Variants in MROH1 observed in about 807,000 individuals in gnomAD.
The protein encoded by MROH1 is maestro heat-like repeat-containing protein family member 1.
MROH1 carries 117 observed loss-of-function variants against 116.5 expected under a neutral mutation model. The observed-to-expected ratio is 1.00, with a 90% confidence interval of 0.86 to 1.17. The LOEUF (loss-of-function observed/expected upper bound fraction) is 1.17, where lower values mean the gene tolerates loss of function less well. Among genes scored for constraint, MROH1 ranks in the 50% most tolerant of loss-of-function variants. The pLI, the probability that MROH1 is intolerant of heterozygous loss-of-function variation, is 0.00. For synonymous variants in MROH1, 921 were observed against 583.9 expected, an observed-to-expected ratio of 1.58 and a Z score of -8.32; for missense variants, 1,873 against 1,338.5, an observed-to-expected ratio of 1.40 and a Z score of -6.23.
chr8:144,210,965 C>T (rs1833973083), intron 12 of MROH1, among the ~76,000 whole-genome samples: 1 of 152,168 alleles, frequency 6.6e-6, no homozygotes, highest in African/African-American at 2.4e-5. Context: ...AAAACTGAAA[C>T]TCCGTGCCTG....
chr8:144,192,868 GT>G (rs1828988714), intron 10 of MROH1: 1 of 332,624 alleles, frequency 3.0e-6, no homozygotes, highest in African/African-American at 2.2e-5. Flanking sequence ...CCCAGGTCGG[GT>G]GAATGAGGCT....
In MROH1 at chr8:144,260,826, G is replaced by A. The variant is rs1285921758; in HGVS notation, c.4530G>A (p.Val1510=). ...LLHLQDPQAT[V]ASACRFALRM... is the part of the protein sequence containing the mutation. ...ACCTGCAGGACCCTCAGGCCACCGT[G>A]GCCAGCGTGAGTAGCCAGGGGGTGA... The change falls in exon 40 of 44, where the codon GTG becomes GTA. Residue 1510 remains valine (V), a synonymous_variant. Coordinates refer to ENST00000326134, the MANE Select transcript of MROH1 (RefSeq NM_032450.3). 2.4e-5 allele frequency: 19 copies of A among 777,752 alleles called. No homozygotes were observed. The highest frequency in any genetic ancestry group is 5.1e-5 in the Admixed American group (3 of 59,038). 48.2% of individuals were successfully genotyped at this position (777,752 alleles called of 1,614,324 possible).
chr8:144,247,446 C>T lies in MROH1; in HGVS notation c.3007+10C>T, dbSNP rs1237483637. The T allele has an allele frequency of 3.5e-5, 27 of 769,472 alleles. No individual in the cohort carries two copies. The highest frequency in any genetic ancestry group is 1.0e-4 in the African/African-American group (6 of 58,906). The allele number at this position is 769,472 out of a possible 1,614,324, so 47.7% of individuals were successfully genotyped here. A position where few individuals can be genotyped will look rare whatever the true frequency, so the allele number is the denominator to read the frequency against. On this transcript the variant is annotated intron_variant, in intron 30 of 43. Transcript: ENST00000326134. ...CAGCTCGGCTATGAGGGTGAGCCCT[C>T]GTCAGGAGTGTGGGGGCCAGTGGTC... is the stretch of plus-strand genomic sequence containing the variant.
intron 10 of MROH1, among the ~76,000 whole-genome samples, chr8:144,195,218 A>AAAAAAAAAAAAAAAAAAAAAAAAAAAC: frequency 7.0e-6 from 1 of 141,976 alleles, no homozygotes; most frequent in South Asian, 2.4e-4. Context: ...AAAAAAAAAA[A>AAAAAAAAAAAAAAAAAAAAAAAAAAAC]AGGCCGAGTG....
At position 144,255,553 on chromosome 8, in the gene MROH1, G is replaced by A; in HGVS notation, c.3639G>A (p.Gly1213=). 4 of 779,312 alleles carry A rather than the reference G, an allele frequency of 5.1e-6. No homozygotes were observed. Among genetic ancestry groups the A allele is most frequent in the Admixed American group, 1.7e-5 (1 of 59,030 alleles). 48.3% of individuals were successfully genotyped at this position (779,312 alleles called of 1,614,324 possible). The change falls in exon 35 of 44, where the codon GGG becomes GGA. Residue 1213 remains glycine (G), a synonymous_variant. Transcript: ENST00000326134. The stretch of plus-strand genomic sequence containing the variant: ...AGGTCATGTCCACGCCTGCAGCGGG[G>A]CCCGCGGTGCTCGAGCTCTACCCCC... ...LFEVMSTPAA[G]PAVLELYPQL...
intron 4 of MROH1, among the ~76,000 whole-genome samples, chr8:144,178,650 C>A (rs1390110351): frequency 6.6e-6 from 1 of 152,344 alleles, no homozygotes; most frequent in East Asian, 1.9e-4. Flanking sequence ...CTGTGCCGGC[C>A]ATGTTGCCTG....
At chr8:144,256,572 G>A (rs947611620) in intron 35 of MROH1, among the ~76,000 whole-genome samples, 2 of 152,224 alleles carry the variant, frequency 1.3e-5, no homozygotes, top group African/African-American at 4.8e-5. Flanking sequence ...TGAATGGGAT[G>A]GGGCAGCCAC....
intron 10 of MROH1, among the ~76,000 whole-genome samples, chr8:144,195,163 C>G (rs536020276): frequency 1.6e-5 from 2 of 122,652 alleles, no homozygotes; most frequent in South Asian, 2.8e-4. Flanking sequence ...CCAGTGCATT[C>G]CAGCCTGGGT....
chr8:144,192,538 G>T lies in MROH1; in HGVS notation c.948+137G>T. Reference sequence around the variant, plus strand: ...GCTGAGGACTGGGCATTCCCTGAAGGTCACTCGGGTGACTTCTTAGCGATG... The same window carrying T: ...GCTGAGGACTGGGCATTCCCTGAAGTTCACTCGGGTGACTTCTTAGCGATG... On this transcript the variant is annotated intron_variant, in intron 10 of 43. Transcript: ENST00000326134. 3 of 755,738 alleles carry T rather than the reference G, an allele frequency of 4.0e-6. No homozygotes were observed. The South Asian group carries it at 4.4e-5, about 11-fold the overall frequency. 46.8% of individuals were successfully genotyped at this position (755,738 alleles called of 1,614,324 possible).
At chr8:144,148,509 C>T (rs1462799899) in intron 1 of MROH1, 11 of 152,392 alleles carry the variant, frequency 7.2e-5, no homozygotes, top group African/African-American at 2.4e-4. Flanking sequence ...CCAGGCGGGG[C>T]CACCGGGGGT....
intron 35 of MROH1, 140 bp from the exon 36 acceptor site, chr8:144,258,637 G>A: frequency 1.5e-6 from 1 of 667,768 alleles, no homozygotes; most frequent in East Asian, 2.7e-5. Context: ...CCCAGAGCCT[G>A]CTTCCTGGAG....
chr8:144,225,369 G>A (rs1385805180), intron 14 of MROH1, among the ~76,000 whole-genome samples: 1 of 152,112 alleles, frequency 6.6e-6, no homozygotes, highest in East Asian at 1.9e-4. Context: ...GAGACAGCCT[G>A]TGTTACCCAG....
In MROH1 at chr8:144,260,032, A is replaced by G. The variant is rs1844707348; in HGVS notation, c.4166A>G (p.Asn1389Ser). The change falls in exon 38 of 44, where the codon AAC becomes AGC. Residue 1389 changes from asparagine to serine, a missense_variant. Transcript: ENST00000326134. ...VRRLVLRGLA[N>S]LASGCPDKVR... ...AGGCTGGTGCTCCGCGGCCTGGCCA[A>G]CCTGGCCTCCGGCTGCCCTGACAAG... The G allele has an allele frequency of 2.8e-6, 2 of 725,174 alleles. No individual in the cohort carries two copies. The highest frequency in any genetic ancestry group is 1.9e-5 in the Admixed American group (1 of 52,336). The allele number at this position is 725,174 out of a possible 1,614,324, so 44.9% of individuals were successfully genotyped here.
At chr8:144,226,793 C>T (rs969997277) in intron 14 of MROH1, among the ~76,000 whole-genome samples, 4 of 152,194 alleles carry the variant, frequency 2.6e-5, no homozygotes, top group South Asian at 2.1e-4. Context: ...GTGAGTCTTC[C>T]ATCTTTGGTC....
chr8:144,180,837 T>C lies in MROH1; in HGVS notation c.562+314T>C, dbSNP rs1454301842. Among the ~76,000 whole-genome samples, 1 of 152,076 alleles carries C rather than the reference T, an allele frequency of 6.6e-6. No individual in the cohort carries two copies. Among genetic ancestry groups the C allele is most frequent in the African/African-American group, 2.4e-5 (1 of 41,412 alleles). ...CATGACTTTTTGTTTTCCTCCCCAC[T>C]CCAGGCTAGAAAAGTGTCCGCTCTC... is the stretch of plus-strand genomic sequence containing the variant. On this transcript the variant is annotated intron_variant, in intron 7 of 43. Coordinates refer to ENST00000326134, the MANE Select transcript of MROH1 (RefSeq NM_032450.3). The surrounding 1 kb of genome is among the most constrained non-coding windows in gnomAD (Gnocchi z 7.4).
intron 12 of MROH1, among the ~76,000 whole-genome samples, chr8:144,204,681 C>G (rs1832446691): frequency 6.6e-6 from 1 of 152,178 alleles, no homozygotes; most frequent in Non-Finnish European, 1.5e-5. Context: ...TATCTGGCTT[C>G]TTTTCCTCAG....
At chr8:144,213,386 T>C in intron 12 of MROH1, 1 of 358,462 alleles carries the variant, frequency 2.8e-6, no homozygotes, top group East Asian at 4.4e-5. Flanking sequence ...GACATTTCCT[T>C]GAGTGTCTTA....
At chr8:144,190,132 C>T (rs1828192244) in intron 7 of MROH1, among the ~76,000 whole-genome samples, 3 of 152,208 alleles carry the variant, frequency 2.0e-5, no homozygotes, top group Non-Finnish European at 1.5e-5. Flanking sequence ...TCTGTGCCTC[C>T]ATGTCACATG....
intron 12 of MROH1, among the ~76,000 whole-genome samples, chr8:144,208,410 T>TG (rs1440617015): frequency 6.6e-6 from 1 of 150,654 alleles, no homozygotes; most frequent in Non-Finnish European, 1.5e-5. Context: ...GGGTGGGGTT[T>TG]TTTTTTTTTC....
Sources: allele counts gnomAD v4.1 joint callset (sites outside exome capture counted in the v4.1 genomes callset), GRCh38; gene constraint gnomAD v4.1.1; non-coding constraint Gnocchi (gnomAD v3.1); transcripts MANE v1.5; gene names NCBI Gene and HGNC (gene_info 2026-07-23, HGNC 2026-07-21).